PLG: variants seen among roughly 807,000 people sequenced by gnomAD.
PLG encodes the protein plasmin.
PLG carries 41 observed loss-of-function variants against 104.4 expected under a neutral mutation model. That is an observed-to-expected ratio of 0.39 (90% CI 0.31 to 0.51). PLG has a LOEUF of 0.51. Ranked by LOEUF, PLG falls within the 20% of genes least tolerant of loss-of-function variation. The probability of loss-of-function intolerance (pLI) is 0.76; values close to 1 mark genes in which losing one functional copy is unlikely to be tolerated. For synonymous variants in PLG, 337 were observed against 357.1 expected (o/e 0.94, Z 0.63); for missense variants, 891 against 1,003.6 (o/e 0.89, Z 1.52).
rs1348885892 is a variant in PLG, at chr6:160,753,865, T to C, written c.*804T>C. ...ACAGGAGAATGACCTGTGGGAGAGA[T>C]ACATGTTTAGAAGGAAGAGAAAGGA... On this transcript the variant is annotated 3_prime_UTR_variant, in exon 19 of 19. Coordinates refer to ENST00000308192, the MANE Select transcript of PLG (RefSeq NM_000301.5). The surrounding 1 kb of genome is among the most constrained non-coding windows in gnomAD (Gnocchi z 5.4). Among the ~76,000 whole-genome samples the C allele has an allele frequency of 2.0e-5, 3 of 152,134 alleles. No individual in the cohort carries two copies. Among genetic ancestry groups the C allele is most frequent in the East Asian group, 1.9e-4 (1 of 5,196 alleles).
At chr6:160,709,386 C>T (rs117624300) in intron 3 of PLG, among the ~76,000 whole-genome samples, 1 of 152,178 alleles carries the variant, frequency 6.6e-6, no homozygotes, top group Non-Finnish European at 1.5e-5. Flanking sequence ...TAGCTGTACA[C>T]ATGATCTCTA....
At chr6:160,706,323 A>G in intron 1 of PLG, 84 bp from the exon 2 acceptor site, 1 of 1,575,314 alleles carries the variant, frequency 6.3e-7, no homozygotes, top group Non-Finnish European at 8.7e-7. Context: ...AATGCTAACC[A>G]AATAGATTAA....
At chr6:160,746,479 T>C (rs1056638446) in intron 17 of PLG, among the ~76,000 whole-genome samples, 1 of 152,248 alleles carries the variant, frequency 6.6e-6, no homozygotes, top group African/African-American at 2.4e-5. Flanking sequence ...CTCAGCTCTG[T>C]CAGATCCATT....
intron 9 of PLG, among the ~76,000 whole-genome samples, chr6:160,721,671 G>A (rs886923996): frequency 6.6e-6 from 1 of 152,134 alleles, no homozygotes; most frequent in East Asian, 1.9e-4. Context: ...TCACTTTTTG[G>A]TGGACGTAGG....
At chr6:160,743,465 G>A (rs1778228530) in intron 17 of PLG, among the ~76,000 whole-genome samples, 1 of 152,146 alleles carries the variant, frequency 6.6e-6, no homozygotes, top group Non-Finnish European at 1.5e-5. Flanking sequence ...GGGCTTGGCT[G>A]TTGTTGGTGT....
intron 3 of PLG, among the ~76,000 whole-genome samples, chr6:160,708,969 T>TA (rs139399782): frequency 0.24 from 36,477 of 150,502 alleles, 4,632 homozygotes; most frequent in Middle Eastern, 0.45. Context: ...GTACCAGATT[T>TA]TAAAAAAAAA....
chr6:160,752,219 C>T lies in PLG; in HGVS notation c.2230C>T (p.Leu744Phe). The T allele has an allele frequency of 1.9e-6, 3 of 1,614,028 alleles. No individual in the cohort carries two copies. Among genetic ancestry groups the T allele is most frequent in the Non-Finnish European group, 2.5e-6 (3 of 1,179,872 alleles). ...FLNGRVQSTE[L>F]CAGHLAGGTD... ...GAATGGAAGAGTCCAATCCACCGAA[C>T]TCTGTGCTGGGCATTTGGCCGGAGG... The change falls in exon 18 of 19, where the codon CTC becomes TTC. Residue 744 changes from leucine (L) to phenylalanine (F), a missense_variant. By Grantham distance (22) the Leu-to-Phe change is conservative. Transcript: ENST00000308192. The surrounding 1 kb of genome is among the most constrained non-coding windows in gnomAD (Gnocchi z 4.7).
rs1778001673 is a variant in PLG at position 160,731,682 on chromosome 6, T to C, written c.1439-63T>C. 1 of 1,498,514 alleles carries C rather than the reference T, an allele frequency of 6.7e-7. No individual in the cohort carries two copies. Among genetic ancestry groups the C allele is most frequent in the Non-Finnish European group, 9.3e-7 (1 of 1,074,740 alleles). The allele number at this position is 1,498,514 out of a possible 1,614,324, so 92.8% of individuals were successfully genotyped here. On this transcript the variant is annotated intron_variant, in intron 11 of 18. Transcript: ENST00000308192. This position sits in a 1 kb window ranked among gnomAD's most constrained non-coding sequence, Gnocchi z 5.1. The stretch of plus-strand genomic sequence containing the variant: ...CCTAGAGAAACCTGACATGACTGTA[T>C]TGATTCCATATCATCCTGGGTCTCT...
At chr6:160,706,845 G>C (rs1167858272) in intron 2 of PLG, among the ~76,000 whole-genome samples, 1 of 152,072 alleles carries the variant, frequency 6.6e-6, no homozygotes, top group Non-Finnish European at 1.5e-5. Context: ...TGAGGATCAG[G>C]TGAATGAAAG....
In PLG at chr6:160,725,784, A is replaced by G. The variant is rs959732286; in HGVS notation, c.1256+3217A>G. ...GTGGAAAATGACATATCATGAAAAT[A>G]AGAATCAGAAGAAAGCTGGAGTGGT... is the stretch of plus-strand genomic sequence containing the variant. On this transcript the variant is annotated intron_variant, in intron 10 of 18. Transcript: ENST00000308192. This position sits in a 1 kb window ranked among gnomAD's most constrained non-coding sequence, Gnocchi z 6.3. Among the ~76,000 whole-genome samples, 1 of 152,198 alleles carries G rather than the reference A, an allele frequency of 6.6e-6. No individual in the cohort carries two copies. The highest frequency in any genetic ancestry group is 2.4e-5 in the African/African-American group (1 of 41,450).
chr6:160,720,529 C>T (rs1287010013), intron 9 of PLG, among the ~76,000 whole-genome samples: 1 of 142,804 alleles, frequency 7.0e-6, no homozygotes, highest in Non-Finnish European at 1.5e-5. Flanking sequence ...AAGTGATTCT[C>T]CTGCTTCAGC....
intron 10 of PLG, among the ~76,000 whole-genome samples, 188 bp downstream of exon 10, chr6:160,722,755 C>A (rs1005349860): frequency 6.6e-6 from 1 of 152,162 alleles, no homozygotes; most frequent in Non-Finnish European, 1.5e-5. Flanking sequence ...TTTAGGCTGG[C>A]TATTTTTCCT....
intron 10 of PLG, among the ~76,000 whole-genome samples, chr6:160,729,620 C>A (rs1212205133): frequency 1.3e-5 from 2 of 152,144 alleles, no homozygotes; most frequent in South Asian, 4.1e-4. Flanking sequence ...GGAAAGGAGG[C>A]AGATACATAA....
intron 3 of PLG, among the ~76,000 whole-genome samples, chr6:160,710,825 A>G (rs1281969369): frequency 6.6e-6 from 1 of 152,218 alleles, no homozygotes; most frequent in Non-Finnish European, 1.5e-5. Context: ...CTCTGGCTGC[A>G]CTGTGCCCCG....
chr6:160,732,168 T>C lies in PLG; in HGVS notation c.1587+275T>C, dbSNP rs370898213. On this transcript the variant is annotated intron_variant, in intron 12 of 18. Coordinates refer to ENST00000308192, the MANE Select transcript of PLG (RefSeq NM_000301.5). This position sits in a 1 kb window ranked among gnomAD's most constrained non-coding sequence, Gnocchi z 4.5. ...TGACATTTCTTTAAAGTTTCCATTA[T>C]TGGGGACTGTCTCTAGTTTCTAGTG... Among the ~76,000 whole-genome samples the C allele has an allele frequency of 5.1e-4, 78 of 152,346 alleles. No homozygotes were observed. Among genetic ancestry groups the C allele is most frequent in the African/African-American group, 1.7e-3 (70 of 41,582 alleles).
chr6:160,713,353 C>G, intron 5 of PLG: 1 of 471,530 alleles, frequency 2.1e-6, no homozygotes, highest in Non-Finnish European at 3.9e-6. Flanking sequence ...TCACCACAAC[C>G]TCCGCCTCCG....
chr6:160,717,475 T>A (rs1184601662), intron 7 of PLG, among the ~76,000 whole-genome samples: 1 of 152,138 alleles, frequency 6.6e-6, no homozygotes, highest in Admixed American at 6.5e-5. Context: ...TTTTTTTCAG[T>A]TTCTCTTTTT....
chr6:160,734,109 T>C lies in PLG; in HGVS notation c.1681+21T>C, dbSNP rs1207349890. 3.8e-6 allele frequency: 5 copies of C among 1,324,856 alleles called. No individual in the cohort carries two copies. In the East Asian group the frequency reaches 6.9e-5, roughly 18 times the overall value. 82.1% of individuals were successfully genotyped at this position (1,324,856 alleles called of 1,614,324 possible). ...GTGTGGTAGGTTGCCTTCTTTTTGG[T>C]AAGGAAACTGCTTACTTAATATGGA... On this transcript the variant is annotated intron_variant, in intron 13 of 18. Coordinates refer to ENST00000308192, the MANE Select transcript of PLG (RefSeq NM_000301.5). This position sits in a 1 kb window ranked among gnomAD's most constrained non-coding sequence, Gnocchi z 4.4.
rs1777489498 is a variant in PLG at position 160,704,933 on chromosome 6, C to T, written c.50-1474C>T. Among the ~76,000 whole-genome samples the T allele has an allele frequency of 2.0e-5, 3 of 152,180 alleles. No homozygotes were observed. In the South Asian group the frequency reaches 6.2e-4, roughly 32 times the overall value. Reference sequence around the variant, plus strand: ...TGGATACTTGTCATCAGCATACAAACCAATGCGCTCTGCAGTGTGTCATCT... The same window carrying T: ...TGGATACTTGTCATCAGCATACAAATCAATGCGCTCTGCAGTGTGTCATCT... On this transcript the variant is annotated intron_variant, in intron 1 of 18. Coordinates refer to ENST00000308192, the MANE Select transcript of PLG (RefSeq NM_000301.5).
Sources: allele counts gnomAD v4.1 joint callset (sites outside exome capture counted in the v4.1 genomes callset), GRCh38; gene constraint gnomAD v4.1.1; non-coding constraint Gnocchi (gnomAD v3.1); transcripts MANE v1.5; gene names NCBI Gene and HGNC (gene_info 2026-07-23, HGNC 2026-07-21).